The following TAFA4 variants were observed in gnomAD, a reference collection of about 807,000 sequenced individuals.
TAFA4 encodes TAFA chemokine like family member 4.
TAFA4 carries 20 observed loss-of-function variants against 21.1 expected under a neutral mutation model. The ratio of observed to expected loss-of-function variants is 0.95; its 90% CI spans 0.67 to 1.38. The LOEUF is 1.38. Ranked by LOEUF, TAFA4 falls within the 40% of genes most tolerant of loss-of-function variation. TAFA4 has a pLI of 0.00. For synonymous variants in TAFA4, 71 were observed against 67.4 expected (o/e 1.05, Z -0.26); for missense variants, 211 against 180.9 (o/e 1.17, Z -0.95).
At chr3:68,882,762 G>A (rs951889388) in intron 2 of TAFA4, among the ~76,000 whole-genome samples, 1 of 152,202 alleles carries the variant, frequency 6.6e-6, no homozygotes, top group Non-Finnish European at 1.5e-5. Context: ...ACTCAGGTAA[G>A]ATCCACGTAT....
intron 4 of TAFA4, among the ~76,000 whole-genome samples, chr3:68,749,578 A>C (rs757312040): frequency 3.9e-5 from 6 of 152,252 alleles, no homozygotes; most frequent in Non-Finnish European, 7.3e-5. Context: ...GATCAAAGAG[A>C]GATGAAATCA....
At chr3:68,856,041 T>C (rs1465416686) in intron 3 of TAFA4, among the ~76,000 whole-genome samples, 4 of 152,102 alleles carry the variant, frequency 2.6e-5, no homozygotes, top group Admixed American at 2.6e-4. Flanking sequence ...AGATTGAGTG[T>C]GGATCCTTAA....
intron 3 of TAFA4, among the ~76,000 whole-genome samples, chr3:68,817,523 A>G (rs971632961): frequency 8.5e-5 from 13 of 152,166 alleles, no homozygotes; most frequent in Non-Finnish European, 1.5e-4. Flanking sequence ...AAGGTTTTCA[A>G]TTTCCTTTGG....
At position 68,778,875 on chromosome 3, in the gene TAFA4, G is replaced by C. The variant is rs533992566; in HGVS notation, c.131-25857C>G. 3.1e-3 allele frequency among the ~76,000 whole-genome samples: 472 copies of C among 152,342 alleles called. 3 individuals are homozygous for C. The highest frequency in any genetic ancestry group is 0.011 in the African/African-American group (460 of 41,572). ...TGCTGAAAAGATACCCAAAAATGTG[G>C]AAGTGATGTTGGAACTAGGTAACAG... is the stretch of plus-strand genomic sequence containing the variant. On this transcript the variant is annotated intron_variant, in intron 3 of 5. Transcript: ENST00000295569.
chr3:68,796,026 T>C (rs897848703), intron 3 of TAFA4, among the ~76,000 whole-genome samples: 6 of 152,132 alleles, frequency 3.9e-5, no homozygotes, highest in Non-Finnish European at 5.9e-5. Flanking sequence ...GCAGAGACTA[T>C]TGTTTTCTTC....
chr3:68,908,342 A>G (rs2089924186), intron 1 of TAFA4, among the ~76,000 whole-genome samples: 1 of 152,182 alleles, frequency 6.6e-6, no homozygotes, highest in Non-Finnish European at 1.5e-5. Context: ...CAACAGCTCT[A>G]GGGCTTTGTT....
intron 3 of TAFA4, among the ~76,000 whole-genome samples, chr3:68,802,606 G>A (rs1187345410): frequency 1.3e-5 from 2 of 152,082 alleles, no homozygotes; most frequent in African/African-American, 2.4e-5. Context: ...GTAGTTGAGC[G>A]GCAGATGGCC....
chr3:68,732,576 C>G lies in TAFA4; in HGVS notation c.*566G>C, dbSNP rs1284214163. The stretch of plus-strand genomic sequence containing the variant: ...AAAAATACAATGCACACACAATAAT[C>G]CAACTATGTCCTTCTATTCTTCAAG... On this transcript the variant is annotated 3_prime_UTR_variant, in exon 6 of 6. Transcript: ENST00000295569. The G allele has an allele frequency of 6.6e-6, 1 of 152,554 alleles. No homozygotes were observed. Among genetic ancestry groups the G allele is most frequent in the Non-Finnish European group, 1.5e-5 (1 of 68,042 alleles). 9.5% of individuals were successfully genotyped at this position (152,554 alleles called of 1,614,324 possible). A position where few individuals can be genotyped will look rare whatever the true frequency, so the allele number is the denominator to read the frequency against.
chr3:68,855,018 AG>A lies in TAFA4; in HGVS notation c.130+25711del, dbSNP rs1414167439. ...CCCATAGCAGAGTAAAAATCATAAT[AG>A]GGGACAGTGGAACTCTTAGGGGCCA... is the stretch of plus-strand genomic sequence containing the variant. On this transcript the variant is annotated intron_variant, in intron 3 of 5. Transcript: ENST00000295569. Among the ~76,000 whole-genome samples, 3 of 152,280 alleles carry A rather than the reference AG, an allele frequency of 2.0e-5. No homozygotes were observed. In the East Asian group the frequency reaches 5.8e-4, roughly 29 times the overall value.
intron 3 of TAFA4, among the ~76,000 whole-genome samples, chr3:68,811,066 T>C (rs1575619021): frequency 2.0e-5 from 3 of 152,194 alleles, no homozygotes; most frequent in South Asian, 2.1e-4. Context: ...AAACAGGGTC[T>C]GGAGTGGACC....
At chr3:68,844,819 T>G (rs1438878850) in intron 3 of TAFA4, among the ~76,000 whole-genome samples, 1 of 152,226 alleles carries the variant, frequency 6.6e-6, no homozygotes, top group Non-Finnish European at 1.5e-5. Flanking sequence ...TCCATGCATT[T>G]GCGTGGTTTT....
rs550727660 is a variant in TAFA4, at chr3:68,894,098, A to G, written c.-122-8788T>C. ...GGTAATTATTTCTATGGAATACTAC[A>G]CATAATAAATGCAGGCTTAATGGGA... On this transcript the variant is annotated intron_variant, in intron 1 of 5. Coordinates refer to ENST00000295569, the MANE Select transcript of TAFA4 (RefSeq NM_182522.5). 3.9e-5 allele frequency among the ~76,000 whole-genome samples: 6 copies of G among 152,270 alleles called. No individual in the cohort carries two copies. The South Asian group carries it at 1.2e-3, about 32-fold the overall frequency.
At chr3:68,885,043 T>G in intron 2 of TAFA4, 132 bp downstream of exon 2, 1 of 794,162 alleles carries the variant, frequency 1.3e-6, no homozygotes, top group Non-Finnish European at 2.0e-6. Context: ...AAAATCAACA[T>G]TTCCCCAAAT....
intron 3 of TAFA4, among the ~76,000 whole-genome samples, chr3:68,862,689 G>A (rs1021106658): frequency 1.3e-5 from 2 of 152,072 alleles, no homozygotes; most frequent in Non-Finnish European, 1.5e-5. Flanking sequence ...CCACTGTCAA[G>A]GGCCTGGGAG....
intron 3 of TAFA4, among the ~76,000 whole-genome samples, chr3:68,857,060 C>A (rs1705086929): frequency 6.6e-6 from 1 of 152,166 alleles, no homozygotes; most frequent in Non-Finnish European, 1.5e-5. Context: ...ATAATAATTA[C>A]TATTAAACTT....
chr3:68,812,957 G>A (rs555545335), intron 3 of TAFA4, among the ~76,000 whole-genome samples: 6 of 152,242 alleles, frequency 3.9e-5, no homozygotes, highest in African/African-American at 1.4e-4. Flanking sequence ...TAAAAGAACA[G>A]AAATTATAAC....
At chr3:68,796,705 G>A (rs1703459391) in intron 3 of TAFA4, among the ~76,000 whole-genome samples, 1 of 152,134 alleles carries the variant, frequency 6.6e-6, no homozygotes, top group African/African-American at 2.4e-5. Flanking sequence ...GCAACCCACA[G>A]TTTGAGAGGA....
intron 3 of TAFA4, among the ~76,000 whole-genome samples, chr3:68,796,410 C>T (rs1009772309): frequency 2.6e-5 from 4 of 152,084 alleles, no homozygotes; most frequent in Non-Finnish European, 5.9e-5. Context: ...AGACACAGTG[C>T]AACTATAAAT....
intron 3 of TAFA4, among the ~76,000 whole-genome samples, chr3:68,866,974 C>T (rs149719565): frequency 9.3e-4 from 141 of 151,958 alleles, no homozygotes; most frequent in African/African-American, 2.9e-3. Flanking sequence ...GTGTCTAAGA[C>T]GGAATTGAGA....
Sources: allele counts gnomAD v4.1 joint callset (sites outside exome capture counted in the v4.1 genomes callset), GRCh38; gene constraint gnomAD v4.1.1; transcripts MANE v1.5; gene names NCBI Gene and HGNC (gene_info 2026-07-23, HGNC 2026-07-21).